CNKSR3: variants seen among roughly 807,000 people sequenced by gnomAD.
The protein encoded by CNKSR3 is CNKSR family member 3, also known as connector enhancer of kinase suppressor of ras 3.
In CNKSR3, 36 loss-of-function variants were observed where a neutral mutation model predicts 67.7. That is an observed-to-expected ratio of 0.53 (90% CI 0.41 to 0.70). The LOEUF is 0.70. CNKSR3 is among the 30% of genes least tolerant of loss of function. The pLI is 0.00. For missense variants in CNKSR3, 630 were observed against 695.2 expected (o/e 0.91, Z 1.05); for synonymous variants, 281 against 271.4 (o/e 1.04, Z -0.35).
Position 154,510,229 on chromosome 6 carries a change from C to A in CNKSR3, c.-115G>T. 2.4e-6 allele frequency: 3 copies of A among 1,262,542 alleles called. No individual in the cohort carries two copies. The highest frequency in any genetic ancestry group is 1.3e-5 in the South Asian group (1 of 78,928). 78.2% of individuals were successfully genotyped at this position (1,262,542 alleles called of 1,614,324 possible). ...CCGCGGCTGCTCCCCTGCGCCCGAGCGACTCCGTCAAGACTGCATGGCCGC... is the reference window on the plus strand; with the variant it reads ...CCGCGGCTGCTCCCCTGCGCCCGAGAGACTCCGTCAAGACTGCATGGCCGC... On this transcript the variant is annotated 5_prime_UTR_variant, in exon 1 of 13. Transcript: ENST00000607772.
intron 1 of CNKSR3, among the ~76,000 whole-genome samples, chr6:154,502,363 T>G (rs960185248): frequency 6.6e-6 from 1 of 151,214 alleles, no homozygotes; most frequent in Non-Finnish European, 1.5e-5. Context: ...AGCTAATTTT[T>G]TTTTTTTTTT....
chr6:154,406,648 C>T lies in CNKSR3; in HGVS notation c.1374G>A (p.Glu458=), dbSNP rs1299030277. The T allele has an allele frequency of 6.2e-7, 1 of 1,610,424 alleles. No individual in the cohort carries two copies. Among genetic ancestry groups the T allele is most frequent in the Non-Finnish European group, 8.5e-7 (1 of 1,177,392 alleles). The change falls in exon 13 of 13, where the codon GAG becomes GAA. Residue 458 remains glutamate (E), a synonymous_variant. Transcript: ENST00000607772. ...TACTGAAATACCGGCAAAGGGCATC[C>T]TCCCCTGTTTCCAGACAAAGTCCAT... The part of the protein sequence containing the change: ...ARPRGHGRKG[E]DALCRYFSNE...
At chr6:154,479,685 G>A (rs1786527400) in intron 1 of CNKSR3, among the ~76,000 whole-genome samples, 1 of 152,136 alleles carries the variant, frequency 6.6e-6, no homozygotes, top group Non-Finnish European at 1.5e-5. Flanking sequence ...AATTATGGAC[G>A]TCTCTATTGG....
chr6:154,496,686 A>G (rs1412057137), intron 1 of CNKSR3, among the ~76,000 whole-genome samples: 4 of 152,244 alleles, frequency 2.6e-5, no homozygotes, highest in Non-Finnish European at 5.9e-5. Flanking sequence ...AATATATTTT[A>G]AAATCCACCT....
chr6:154,431,924 G>C (rs1416254742), intron 5 of CNKSR3, among the ~76,000 whole-genome samples: 1 of 151,990 alleles, frequency 6.6e-6, no homozygotes, highest in Non-Finnish European at 1.5e-5. Flanking sequence ...GAGACATTAA[G>C]GTTGCTTCCA....
chr6:154,494,100 A>G (rs776800371), intron 1 of CNKSR3, among the ~76,000 whole-genome samples: 33 of 152,018 alleles, frequency 2.2e-4, no homozygotes, highest in Non-Finnish European at 4.4e-4. Context: ...CTATGACAAC[A>G]TACCTGAGAC....
rs1282146454 is a variant in CNKSR3, at chr6:154,406,079, G to A, written c.*275C>T. ...TCTGGCCAGGACTGCGATTTCTAGC[G>A]CGTGTCTTCACATTCTATCTCTGGG... On this transcript the variant is annotated 3_prime_UTR_variant, in exon 13 of 13. Transcript: ENST00000607772. 3 of 405,124 alleles carry A rather than the reference G, an allele frequency of 7.4e-6. No individual in the cohort carries two copies. Among genetic ancestry groups the A allele is most frequent in the Non-Finnish European group, 1.3e-5 (3 of 223,548 alleles). The allele number at this position is 405,124 out of a possible 1,614,324, so 25.1% of individuals were successfully genotyped here.
intron 1 of CNKSR3, among the ~76,000 whole-genome samples, chr6:154,480,907 A>G (rs1353751743): frequency 6.6e-6 from 1 of 152,218 alleles, no homozygotes; most frequent in Non-Finnish European, 1.5e-5. Context: ...TCTTATGCTT[A>G]TTTGATAGCA....
At position 154,442,082 on chromosome 6, in the gene CNKSR3, A is replaced by T; in HGVS notation, c.419+6T>A. The T allele has an allele frequency of 6.3e-7, 1 of 1,597,936 alleles. No individual in the cohort carries two copies. The highest frequency in any genetic ancestry group is 8.6e-7 in the Non-Finnish European group (1 of 1,169,056). ...CAGGGCAGTAAAAGGCACATCTCCAACTTACCGGTCCAGCCACGCCAGCAG... is the reference window on the plus strand; with the variant it reads ...CAGGGCAGTAAAAGGCACATCTCCATCTTACCGGTCCAGCCACGCCAGCAG... On this transcript the variant is annotated splice_donor_region_variant and intron_variant, in intron 3 of 12. Coordinates refer to ENST00000607772, the MANE Select transcript of CNKSR3 (RefSeq NM_173515.4).
chr6:154,429,194 A>G (rs1330829586), intron 6 of CNKSR3, among the ~76,000 whole-genome samples: 2 of 152,146 alleles, frequency 1.3e-5, no homozygotes, highest in African/African-American at 2.4e-5. Flanking sequence ...CAAAAAGTAG[A>G]CCAGGTAAAA....
In CNKSR3 at chr6:154,388,437, G is replaced by A. The variant is rs1409281954; in HGVS notation, c.*17917C>T. 1 of 152,118 alleles carries A rather than the reference G, an allele frequency of 6.6e-6. No individual in the cohort carries two copies. Among genetic ancestry groups the A allele is most frequent in the East Asian group, 1.9e-4 (1 of 5,200 alleles). The allele number at this position is 152,118 out of a possible 1,614,324, so 9.4% of individuals were successfully genotyped here. On this transcript the variant is annotated 3_prime_UTR_variant, in exon 13 of 13. Transcript: ENST00000607772. ...GCCGATGGACGCTTAGATTGTTTGT[G>A]TATCTTGGATATTGTGAATAATGCG...
intron 1 of CNKSR3, among the ~76,000 whole-genome samples, chr6:154,463,352 C>T (rs1340801337): frequency 6.6e-5 from 10 of 152,202 alleles, no homozygotes; most frequent in East Asian, 1.9e-4. Context: ...GGATTACAGG[C>T]GTGAGCCACC....
intron 1 of CNKSR3, among the ~76,000 whole-genome samples, chr6:154,452,945 C>A (rs1240248349): frequency 1.3e-5 from 2 of 152,198 alleles, no homozygotes. Context: ...GTTCCGGCCT[C>A]CCAGTCTATG....
chr6:154,477,012 C>A (rs1396451628), intron 1 of CNKSR3, among the ~76,000 whole-genome samples: 1 of 152,180 alleles, frequency 6.6e-6, no homozygotes, highest in African/African-American at 2.4e-5. Flanking sequence ...AGAAGAACTG[C>A]AGAATGTCTA....
chr6:154,493,169 C>T lies in CNKSR3; in HGVS notation c.52+16894G>A, dbSNP rs563352338. Among the ~76,000 whole-genome samples the T allele has an allele frequency of 5.9e-5, 9 of 152,260 alleles. No homozygotes were observed. The South Asian group carries it at 1.0e-3, about 18-fold the overall frequency. ...GTCACGATGCCTCAGGAACACTGAC[C>T]GTCTCAGGACACATGCACTCGCTGT... On this transcript the variant is annotated intron_variant, in intron 1 of 12. Transcript: ENST00000607772.
rs766586050 is a variant in CNKSR3 at position 154,450,202 on chromosome 6, C to G, written c.109G>C (p.Gly37Arg). ...VHKFEREKIN[G>R]EQLLQISHQD... ...TGGGAAATCTGCAGCAGCTGCTCGCCGTTGATCTTCTCTCGTTCAAACTTG... is the reference window on the plus strand; with the variant it reads ...TGGGAAATCTGCAGCAGCTGCTCGCGGTTGATCTTCTCTCGTTCAAACTTG... Residue 37 changes from glycine (G) to arginine (R), a missense_variant, in exon 2 of 13, where the codon GGC (glycine) becomes CGC (arginine). Gly to Arg is a moderately radical substitution (Grantham distance 125, BLOSUM62 -2). Coordinates refer to ENST00000607772, the MANE Select transcript of CNKSR3 (RefSeq NM_173515.4). The G allele has an allele frequency of 6.2e-7, 1 of 1,614,050 alleles. No homozygotes were observed. Among genetic ancestry groups the G allele is most frequent in the Non-Finnish European group, 8.5e-7 (1 of 1,180,050 alleles).
rs1411634290 is a variant in CNKSR3 at position 154,400,188 on chromosome 6, C to G, written c.*6166G>C. 1.3e-5 allele frequency: 2 copies of G among 152,118 alleles called. No individual in the cohort carries two copies. Among genetic ancestry groups the G allele is most frequent in the Non-Finnish European group, 2.9e-5 (2 of 68,024 alleles). The allele number at this position is 152,118 out of a possible 1,614,324, so 9.4% of individuals were successfully genotyped here. ...CAGCAAGTAACAGGTTGGCTGTGAG[C>G]GTGACATGAATGCTCAGGCTGTAAA... is the stretch of plus-strand genomic sequence containing the variant. On this transcript the variant is annotated 3_prime_UTR_variant, in exon 13 of 13. Coordinates refer to ENST00000607772, the MANE Select transcript of CNKSR3 (RefSeq NM_173515.4).
chr6:154,432,930 C>T (rs1010471614), intron 5 of CNKSR3, among the ~76,000 whole-genome samples: 3 of 152,170 alleles, frequency 2.0e-5, no homozygotes, highest in Non-Finnish European at 2.9e-5. Flanking sequence ...TTTGGCCTCC[C>T]TATTTATGGA....
At position 154,428,245 on chromosome 6, in the gene CNKSR3, G is replaced by A. The variant is rs114854690; in HGVS notation, c.670-58C>T. On this transcript the variant is annotated intron_variant, in intron 6 of 12. Transcript: ENST00000607772. ...CTCCAACGTTTAGAGACATAGCCCCGAGTGAGACTTAAACTTATAAAACAT... is the reference window on the plus strand; with the variant it reads ...CTCCAACGTTTAGAGACATAGCCCCAAGTGAGACTTAAACTTATAAAACAT... The A allele has an allele frequency of 1.7e-5, 18 of 1,052,414 alleles. No homozygotes were observed. In the East Asian group the frequency reaches 3.1e-4, roughly 18 times the overall value. 65.2% of individuals were successfully genotyped at this position (1,052,414 alleles called of 1,614,324 possible).
Sources: gnomAD v4.1 joint callset for allele counts (sites outside exome capture counted in the v4.1 genomes callset) on GRCh38, gnomAD v4.1.1 for gene constraint, MANE v1.5 for transcripts, NCBI Gene and HGNC (gene_info 2026-07-23, HGNC 2026-07-21) for gene names.